Variants in CDKAL1 observed in about 807,000 individuals in gnomAD.
The protein encoded by CDKAL1 is CDKAL1 threonylcarbamoyladenosine tRNA methylthiotransferase, also known as threonylcarbamoyladenosine tRNA methylthiotransferase.
Under a neutral mutation model 68.2 loss-of-function variants are expected in CDKAL1, and 32 were observed. The observed-to-expected ratio is 0.47, with a 90% CI of 0.35 to 0.63. The LOEUF (loss-of-function observed/expected upper bound fraction) is 0.63, where lower values mean the gene tolerates loss of function less well. Ranked by LOEUF, CDKAL1 falls within the 30% of genes least tolerant of loss-of-function variation. The pLI is 0.00. For missense variants in CDKAL1, 606 were observed against 696.7 expected, an observed-to-expected ratio of 0.87 and a Z score of 1.47; for synonymous variants, 234 against 244.3, an observed-to-expected ratio of 0.96 and a Z score of 0.39.
intron 5 of CDKAL1, among the ~76,000 whole-genome samples, chr6:20,658,250 T>C (rs1769121220): frequency 1.3e-5 from 2 of 152,178 alleles, no homozygotes; most frequent in African/African-American, 4.8e-5. Context: ...CTATTTGACC[T>C]TGTGCATTAT....
intron 9 of CDKAL1, among the ~76,000 whole-genome samples, chr6:20,869,910 A>G (rs888350785): frequency 1.3e-5 from 2 of 152,156 alleles, no homozygotes; most frequent in Admixed American, 6.5e-5. Flanking sequence ...AAATAAGACG[A>G]TCTAGCATCT....
chr6:20,757,925 G>A (rs749845022), intron 6 of CDKAL1, among the ~76,000 whole-genome samples: 1 of 151,428 alleles, frequency 6.6e-6, no homozygotes, highest in Admixed American at 6.6e-5. Context: ...ATTCTCAGTG[G>A]GTTTCTCCAA....
In CDKAL1 at chr6:20,573,980, G is replaced by A. The variant is rs541823402; in HGVS notation, c.286+25275G>A. Among the ~76,000 whole-genome samples the A allele has an allele frequency of 2.0e-5, 3 of 152,218 alleles. No homozygotes were observed. The South Asian group carries it at 6.2e-4, about 32-fold the overall frequency. ...CTGTGGAAGGCAGTATAACTAGCTGGCTCATACTGGTTCAAATTTGCAACA... is the reference window on the plus strand; with the variant it reads ...CTGTGGAAGGCAGTATAACTAGCTGACTCATACTGGTTCAAATTTGCAACA... On this transcript the variant is annotated intron_variant, in intron 4 of 15. Coordinates refer to ENST00000274695, the MANE Select transcript of CDKAL1 (RefSeq NM_017774.3).
At chr6:21,057,416 T>C (rs1295433446) in intron 11 of CDKAL1, among the ~76,000 whole-genome samples, 1 of 152,004 alleles carries the variant, frequency 6.6e-6, no homozygotes, top group Non-Finnish European at 1.5e-5. Context: ...CTCTCTTTTC[T>C]TTATTAGTCC....
intron 8 of CDKAL1, among the ~76,000 whole-genome samples, chr6:20,810,647 TG>T (rs1196124752): frequency 7.3e-6 from 1 of 136,220 alleles, no homozygotes; most frequent in Admixed American, 7.3e-5. Context: ...TGTGTGTGTG[TG>T]TGTGTGTGTG....
intron 12 of CDKAL1, among the ~76,000 whole-genome samples, chr6:21,079,974 C>CTGTGTG (rs1206773584): frequency 9.8e-5 from 2 of 20,436 alleles, no homozygotes; most frequent in African/African-American, 2.8e-4. Flanking sequence ...TCAACTTTGT[C>CTGTGTG]TCTGTGTGTG....
chr6:20,775,836 A>G (rs1487818519), intron 7 of CDKAL1, among the ~76,000 whole-genome samples: 1 of 152,218 alleles, frequency 6.6e-6, no homozygotes, highest in Admixed American at 6.5e-5. Flanking sequence ...GAGGATTTCT[A>G]AATGAAAGGG....
chr6:20,733,335 A>C (rs541669631), intron 5 of CDKAL1, among the ~76,000 whole-genome samples: 8 of 152,132 alleles, frequency 5.3e-5, no homozygotes, highest in African/African-American at 1.7e-4. Context: ...ATCAGTGACT[A>C]TCTTTGTGTC....
At chr6:21,057,051 A>T (rs1398972876) in intron 11 of CDKAL1, among the ~76,000 whole-genome samples, 1 of 152,194 alleles carries the variant, frequency 6.6e-6, no homozygotes, top group Admixed American at 6.5e-5. Context: ...TGAGTTAGGG[A>T]GGAGTCCCTC....
intron 10 of CDKAL1, among the ~76,000 whole-genome samples, chr6:20,992,245 A>G (rs919993542): frequency 2.7e-5 from 4 of 148,718 alleles, no homozygotes; most frequent in Admixed American, 2.7e-4. Flanking sequence ...AGTATTTTGT[A>G]TTATTAGTAG....
chr6:20,913,592 G>A (rs539449861), intron 9 of CDKAL1, among the ~76,000 whole-genome samples: 9 of 152,324 alleles, frequency 5.9e-5, no homozygotes, highest in East Asian at 3.9e-4. Context: ...TGAGCACACC[G>A]CATGGGCAGG....
At chr6:20,705,673 T>G (rs1771561797) in intron 5 of CDKAL1, among the ~76,000 whole-genome samples, 1 of 152,136 alleles carries the variant, frequency 6.6e-6, no homozygotes, top group South Asian at 2.1e-4. Context: ...GAGAACCATA[T>G]ATAGGGTATT....
At chr6:20,643,743 A>G (rs1768300413) in intron 4 of CDKAL1, among the ~76,000 whole-genome samples, 1 of 152,232 alleles carries the variant, frequency 6.6e-6, no homozygotes, top group African/African-American at 2.4e-5. Flanking sequence ...TTAGGGTATT[A>G]TCTTTTTGTT....
intron 15 of CDKAL1, among the ~76,000 whole-genome samples, chr6:21,222,864 G>A (rs1183845089): frequency 1.3e-5 from 2 of 152,052 alleles, no homozygotes; most frequent in South Asian, 4.2e-4. Context: ...TCTTTTATTT[G>A]AGCAGAACCA....
At chr6:21,025,662 G>A (rs1421567818) in intron 11 of CDKAL1, among the ~76,000 whole-genome samples, 1 of 152,074 alleles carries the variant, frequency 6.6e-6, no homozygotes, top group Non-Finnish European at 1.5e-5. Flanking sequence ...GGGCACTTGA[G>A]TATTTAGGTG....
chr6:21,151,570 C>A (rs1484629990), intron 13 of CDKAL1, among the ~76,000 whole-genome samples: 1 of 152,138 alleles, frequency 6.6e-6, no homozygotes, highest in Admixed American at 6.5e-5. Context: ...CAGAAAATGA[C>A]TTTTATTGCC....
At chr6:20,650,338 G>T (rs1768698516) in intron 5 of CDKAL1, among the ~76,000 whole-genome samples, 1 of 152,040 alleles carries the variant, frequency 6.6e-6, no homozygotes. Context: ...TTTTTCATAT[G>T]TTTTTTTGCT....
chr6:20,835,485 TCTTGTC>T (rs1354957302), intron 8 of CDKAL1, among the ~76,000 whole-genome samples: 22 of 6,936 alleles, frequency 3.2e-3, no homozygotes, highest in Admixed American at 8.8e-3. Flanking sequence ...GCTTTGTTTG[TCTTGTC>T]TTGTCTTGTC....
chr6:20,681,020 A>G lies in CDKAL1; in HGVS notation c.371+31643A>G, dbSNP rs181448950. On this transcript the variant is annotated intron_variant, in intron 5 of 15. Transcript: ENST00000274695. Reference sequence around the variant, plus strand: ...AATGCCTTAAATGAATAATCAGTATATGTGAACAATGAAAACACAGATGAG... The same window carrying G: ...AATGCCTTAAATGAATAATCAGTATGTGTGAACAATGAAAACACAGATGAG... 1.4e-4 allele frequency among the ~76,000 whole-genome samples: 21 copies of G among 152,358 alleles called. No individual in the cohort carries two copies. The East Asian group carries it at 2.5e-3, about 18-fold the overall frequency.
Sources: allele counts gnomAD v4.1 joint callset (sites outside exome capture counted in the v4.1 genomes callset), GRCh38; gene constraint gnomAD v4.1.1; transcripts MANE v1.5; gene names NCBI Gene and HGNC (gene_info 2026-07-23, HGNC 2026-07-21).